Variants in DAAM1 observed in about 807,000 individuals in gnomAD.
The protein encoded by DAAM1 is dishevelled associated activator of morphogenesis 1.
A neutral mutation model predicts 130.0 loss-of-function variants in DAAM1; 52 were observed. The observed-to-expected ratio is 0.40, with a 90% CI of 0.32 to 0.50. The LOEUF (loss-of-function observed/expected upper bound fraction) is 0.50. Ranked by LOEUF, DAAM1 falls within the 20% of genes least tolerant of loss-of-function variation. The pLI, the probability that DAAM1 is intolerant of heterozygous loss-of-function variation, is 0.61. For synonymous variants in DAAM1, 452 were observed against 444.5 expected, an observed-to-expected ratio of 1.02 and a Z score of -0.21; for missense variants, 1,134 against 1,303.8, an observed-to-expected ratio of 0.87 and a Z score of 2.01.
chr14:59,247,926 A>G (rs1881465745), intron 1 of DAAM1, among the ~76,000 whole-genome samples: 1 of 152,216 alleles, frequency 6.6e-6, no homozygotes, highest in African/African-American at 2.4e-5. Context: ...TTAACATACC[A>G]GAAAAGATTT....
intron 15 of DAAM1, among the ~76,000 whole-genome samples, chr14:59,333,209 C>T (rs1390853876): frequency 6.6e-6 from 1 of 152,148 alleles, no homozygotes; most frequent in Non-Finnish European, 1.5e-5. Context: ...TTTTATGCTA[C>T]TTTAATAAAA....
intron 1 of DAAM1, among the ~76,000 whole-genome samples, chr14:59,256,613 T>C (rs1455759951): frequency 6.6e-6 from 1 of 152,252 alleles, no homozygotes; most frequent in Non-Finnish European, 1.5e-5. Context: ...GATTAGAAGA[T>C]GTGCTCTGGT....
chr14:59,216,207 T>A (rs1344884421), intron 1 of DAAM1, among the ~76,000 whole-genome samples: 1 of 152,214 alleles, frequency 6.6e-6, no homozygotes, highest in Non-Finnish European at 1.5e-5. Context: ...GAGAGGACCC[T>A]GCATTCTGAC....
Position 59,368,797 on chromosome 14 carries a change from C to A in DAAM1, c.3145C>A (p.Arg1049Ser). ...DLSKLKRNRK[R>S]ITNQMTDSSR... ...TTCTAAATTGAAACGGAATCGCAAACGTATTACCAACCAGATGACTGACAG... is the reference window on the plus strand; with the variant it reads ...TTCTAAATTGAAACGGAATCGCAAAAGTATTACCAACCAGATGACTGACAG... The change falls in exon 25 of 25, where the codon CGT (arginine) becomes AGT (serine). Residue 1049 changes from arginine to serine, a missense_variant. This residue lies in a region of DAAM1 where 644 missense variants were observed against 695.9 expected (regional missense o/e 0.93). Transcript: ENST00000360909. The A allele has an allele frequency of 6.2e-7, 1 of 1,613,934 alleles. No individual in the cohort carries two copies. Among genetic ancestry groups the A allele is most frequent in the African/African-American group, 1.3e-5 (1 of 74,994 alleles).
chr14:59,358,942 T>TCCACC (rs763655591), intron 20 of DAAM1, among the ~76,000 whole-genome samples: 26 of 151,878 alleles, frequency 1.7e-4, no homozygotes, highest in Non-Finnish European at 3.1e-4. Flanking sequence ...TCCCTCACTC[T>TCCACC]CCACCCCACC....
chr14:59,367,273 G>A (rs923557522), intron 23 of DAAM1, among the ~76,000 whole-genome samples, 156 bp from the exon 24 acceptor site: 11 of 152,118 alleles, frequency 7.2e-5, no homozygotes, highest in South Asian at 2.1e-4. Context: ...GGGTGATGGC[G>A]AAACTCCATC....
At chr14:59,342,804 G>A (rs899285117) in intron 16 of DAAM1, among the ~76,000 whole-genome samples, 4 of 152,200 alleles carry the variant, frequency 2.6e-5, no homozygotes, top group African/African-American at 7.2e-5. Flanking sequence ...GCTTATTGTA[G>A]AAAGTAGGCC....
chr14:59,310,809 A>G (rs1214688662), intron 3 of DAAM1, among the ~76,000 whole-genome samples: 9 of 152,206 alleles, frequency 5.9e-5, no homozygotes, highest in African/African-American at 2.2e-4. Flanking sequence ...AATTCGTAAC[A>G]GCACACATAG....
chr14:59,223,220 C>T (rs1888831959), intron 1 of DAAM1, among the ~76,000 whole-genome samples: 1 of 152,228 alleles, frequency 6.6e-6, no homozygotes, highest in African/African-American at 2.4e-5. Context: ...CTGCTTTCGC[C>T]TGATCGTGTA....
chr14:59,279,496 A>G (rs1883117642), intron 2 of DAAM1, among the ~76,000 whole-genome samples: 1 of 152,184 alleles, frequency 6.6e-6, no homozygotes, highest in African/African-American at 2.4e-5. Flanking sequence ...CAGCCTATCT[A>G]AATGAATATG....
At chr14:59,199,068 C>T (rs548124184) in intron 1 of DAAM1, among the ~76,000 whole-genome samples, 4 of 152,212 alleles carry the variant, frequency 2.6e-5, no homozygotes, top group African/African-American at 4.8e-5. Flanking sequence ...TCCGATTTTT[C>T]GCCCCCAGTT....
chr14:59,261,635 T>C (rs1882161807), intron 1 of DAAM1, among the ~76,000 whole-genome samples: 2 of 152,342 alleles, frequency 1.3e-5, no homozygotes, highest in South Asian at 4.1e-4. Flanking sequence ...TTCCTGACTG[T>C]AGAGACCACT....
Position 59,353,878 on chromosome 14 carries a change from T to C in DAAM1, c.2270T>C (p.Ile757Thr). The C allele has an allele frequency of 6.2e-7, 1 of 1,613,878 alleles. No homozygotes were observed. Among genetic ancestry groups the C allele is most frequent in the Non-Finnish European group, 8.5e-7 (1 of 1,179,850 alleles). Residue 757 changes from isoleucine (I) to threonine (T), a missense_variant and splice_region_variant, in exon 19 of 25, where the codon ATT becomes ACT. Physicochemically the swap from Ile to Thr is moderately conservative, Grantham distance 89. Around this residue, in one of 3 missense-constraint regions of DAAM1, gnomAD observed 644 missense variants for 695.9 expected, o/e 0.93. Coordinates refer to ENST00000360909, the MANE Select transcript of DAAM1 (RefSeq NM_001270520.2). ...ADRFLFEMSR[I>T]NHYQQRLQSL... is the part of the protein sequence containing the mutation. ...TTAGTACATGTTTGCTCTTACAGAA[T>C]TAATCACTATCAGCAAAGGTTGCAA...
At chr14:59,342,442 G>C (rs931521269) in intron 16 of DAAM1, among the ~76,000 whole-genome samples, 5 of 152,136 alleles carry the variant, frequency 3.3e-5, no homozygotes, top group Non-Finnish European at 7.4e-5. Flanking sequence ...ATTATAATTT[G>C]TATTTTATTT....
chr14:59,249,775 C>G (rs1881550057), intron 1 of DAAM1, among the ~76,000 whole-genome samples: 1 of 152,090 alleles, frequency 6.6e-6, no homozygotes, highest in South Asian at 2.1e-4. Context: ...ACTTCAGGAG[C>G]ATGTACTTGA....
intron 12 of DAAM1, among the ~76,000 whole-genome samples, chr14:59,329,825 T>C (rs1315249269): frequency 6.6e-6 from 1 of 152,256 alleles, no homozygotes; most frequent in Non-Finnish European, 1.5e-5. Flanking sequence ...TGTGTTACCA[T>C]GATTTTCGCG....
chr14:59,318,182 C>T (rs1445418817), intron 4 of DAAM1, among the ~76,000 whole-genome samples: 3 of 151,864 alleles, frequency 2.0e-5, no homozygotes, highest in African/African-American at 7.3e-5. Context: ...TATGTGGTTT[C>T]TCCATGCTTT....
At chr14:59,210,781 A>G (rs1888403217) in intron 1 of DAAM1, among the ~76,000 whole-genome samples, 1 of 152,258 alleles carries the variant, frequency 6.6e-6, no homozygotes, top group Admixed American at 6.5e-5. Context: ...CATAAAAACC[A>G]GGGAAATGAT....
At chr14:59,327,325 C>T (rs1885241984) in intron 12 of DAAM1, among the ~76,000 whole-genome samples, 1 of 150,272 alleles carries the variant, frequency 6.7e-6, no homozygotes. Flanking sequence ...TTAAATCATA[C>T]TGGGTTTTAA....
Sources: gnomAD v4.1 joint callset for allele counts (sites outside exome capture counted in the v4.1 genomes callset) on GRCh38, gnomAD v4.1.1 for gene constraint, gnomAD v4.1.1 regional missense constraint, MANE v1.5 for transcripts, NCBI Gene and HGNC (gene_info 2026-07-23, HGNC 2026-07-21) for gene names.